Variants in ERC2 observed in about 807,000 individuals in gnomAD.
The protein encoded by ERC2 is ELKS/RAB6-interacting/CAST family member 2, also known as ERC protein 2.
ERC2 carries 42 observed loss-of-function variants against 114.8 expected under a neutral mutation model. The ratio of observed to expected loss-of-function variants is 0.37; its 90% confidence interval spans 0.29 to 0.47. The LOEUF is 0.47. ERC2 is among the 20% of genes least tolerant of loss of function. The pLI is 0.99. For synonymous variants in ERC2, 454 were observed against 425.5 expected, an observed-to-expected ratio of 1.07 and a Z score of -0.82; for missense variants, 939 against 1,150.7, an observed-to-expected ratio of 0.82 and a Z score of 2.66.
intron 3 of ERC2, among the ~76,000 whole-genome samples, chr3:56,246,553 C>T (rs1042971463): frequency 2.0e-5 from 3 of 152,060 alleles, no homozygotes; most frequent in Non-Finnish European, 2.9e-5. Context: ...TCCAGATTAA[C>T]TCAATCCTCA....
intron 17 of ERC2, among the ~76,000 whole-genome samples, chr3:55,517,444 C>T (rs1312481337): frequency 7.2e-5 from 3 of 41,748 alleles, no homozygotes; most frequent in Non-Finnish European, 9.0e-5. Context: ...AAGACTCCGT[C>T]TCAAAAAAAA....
intron 17 of ERC2, among the ~76,000 whole-genome samples, chr3:55,543,753 T>C (rs1432735649): frequency 6.6e-6 from 1 of 152,130 alleles, no homozygotes. Context: ...TCGTTCCTGC[T>C]GCGCTGTCTC....
At chr3:56,183,853 G>A (rs1309611633) in intron 3 of ERC2, among the ~76,000 whole-genome samples, 1 of 151,692 alleles carries the variant, frequency 6.6e-6, no homozygotes, top group Non-Finnish European at 1.5e-5. Flanking sequence ...CTGCAGAGGG[G>A]GCAGAATGTA....
intron 14 of ERC2, among the ~76,000 whole-genome samples, chr3:55,795,134 C>T (rs543038135): frequency 5.3e-5 from 8 of 152,036 alleles, no homozygotes; most frequent in South Asian, 2.1e-4. Context: ...AGTACATTAA[C>T]GTTCTTTCAA....
chr3:56,169,193 T>G (rs1235282564), intron 4 of ERC2, among the ~76,000 whole-genome samples: 1 of 151,836 alleles, frequency 6.6e-6, no homozygotes, highest in Non-Finnish European at 1.5e-5. Context: ...CTTTTACTAG[T>G]TAACAAGTTC....
chr3:55,712,120 C>T (rs1175962767), intron 15 of ERC2, among the ~76,000 whole-genome samples: 1 of 152,168 alleles, frequency 6.6e-6, no homozygotes, highest in Non-Finnish European at 1.5e-5. Context: ...TATCTGTGAG[C>T]CCCCTTTTAA....
intron 15 of ERC2, among the ~76,000 whole-genome samples, chr3:55,711,204 C>G (rs912103039): frequency 2.6e-5 from 4 of 152,226 alleles, no homozygotes; most frequent in African/African-American, 7.2e-5. Context: ...AGGAGCCTCA[C>G]TTCTCTAGCA....
intron 17 of ERC2, among the ~76,000 whole-genome samples, chr3:55,624,119 G>C (rs549914821): frequency 4.2e-4 from 64 of 152,292 alleles, no homozygotes; most frequent in Non-Finnish European, 8.2e-4. Context: ...TCCTAAAGGA[G>C]CATATCTGGG....
intron 13 of ERC2, among the ~76,000 whole-genome samples, chr3:55,904,082 C>T (rs937878168): frequency 6.6e-6 from 1 of 152,160 alleles, no homozygotes; most frequent in Non-Finnish European, 1.5e-5. Flanking sequence ...AAAAGCCTTG[C>T]CTATGAGACA....
chr3:55,602,085 T>C (rs2058430946), intron 17 of ERC2, among the ~76,000 whole-genome samples: 1 of 152,204 alleles, frequency 6.6e-6, no homozygotes, highest in African/African-American at 2.4e-5. Flanking sequence ...AATTGAACCT[T>C]AGCATTGTGA....
chr3:55,800,441 C>T (rs763333871), intron 14 of ERC2, among the ~76,000 whole-genome samples: 2 of 152,162 alleles, frequency 1.3e-5, no homozygotes, highest in South Asian at 2.1e-4. Context: ...CGCGCCTAGC[C>T]GGAAGTTATG....
intron 12 of ERC2, among the ~76,000 whole-genome samples, chr3:55,984,718 C>T (rs927946651): frequency 2.2e-4 from 34 of 152,108 alleles, no homozygotes; most frequent in African/African-American, 8.2e-4. Context: ...TGCTTTTAAT[C>T]TCTGATCAGA....
At chr3:55,903,391 T>C (rs1479116335) in intron 13 of ERC2, among the ~76,000 whole-genome samples, 4 of 152,216 alleles carry the variant, frequency 2.6e-5, no homozygotes, top group Non-Finnish European at 5.9e-5. Flanking sequence ...GTGAAAACAT[T>C]GGATTCCTTG....
chr3:55,952,173 ACACACACTCTCTCTCTCTCT>A (rs1425542993), intron 12 of ERC2, among the ~76,000 whole-genome samples: 5 of 56,066 alleles, frequency 8.9e-5, no homozygotes, highest in African/African-American at 2.9e-4. Context: ...ACACACACAC[ACACACACTCTCTCTCTCTCT>A]CTCTCTATAT....
intron 14 of ERC2, among the ~76,000 whole-genome samples, chr3:55,862,175 T>G (rs1322838440): frequency 6.6e-6 from 1 of 151,428 alleles, no homozygotes; most frequent in East Asian, 1.9e-4. Flanking sequence ...ATTTTATGTA[T>G]GTGTGTGTGT....
intron 2 of ERC2, among the ~76,000 whole-genome samples, chr3:56,424,816 G>A (rs2061505162): frequency 6.6e-6 from 1 of 152,104 alleles, no homozygotes; most frequent in African/African-American, 2.4e-5. Context: ...TTGTCCTTCT[G>A]AGATTCAGCA....
chr3:55,953,331 G>A (rs922400701), intron 12 of ERC2, among the ~76,000 whole-genome samples: 1 of 152,166 alleles, frequency 6.6e-6, no homozygotes, highest in Non-Finnish European at 1.5e-5. Context: ...GACTGAAAAT[G>A]GAAAGTTGGG....
At chr3:55,545,425 G>A (rs62251474) in intron 17 of ERC2, among the ~76,000 whole-genome samples, 16,131 of 152,270 alleles carry the variant, frequency 0.11, 1,290 homozygotes, top group African/African-American at 0.22. Context: ...TCTGCAGAGC[G>A]GCGGAAGGTG....
chr3:56,283,274 A>T (rs2054468067), intron 3 of ERC2, among the ~76,000 whole-genome samples: 1 of 152,178 alleles, frequency 6.6e-6, no homozygotes, highest in Non-Finnish European at 1.5e-5. Flanking sequence ...AAGTATTGCA[A>T]CAGAGACCAC....
Sources: gnomAD v4.1 joint callset for allele counts (sites outside exome capture counted in the v4.1 genomes callset) on GRCh38, gnomAD v4.1.1 for gene constraint, MANE v1.5 for transcripts, NCBI Gene and HGNC (gene_info 2026-07-23, HGNC 2026-07-21) for gene names.